The following CDH4 variants were observed in gnomAD, a reference collection of about 807,000 sequenced individuals.
CDH4 encodes the protein cadherin-4.
Under a neutral mutation model 86.0 loss-of-function variants are expected in CDH4, and 33 were observed. The ratio of observed to expected loss-of-function variants is 0.38; its 90% CI spans 0.29 to 0.51. CDH4 has a LOEUF of 0.51. CDH4 is among the 20% of genes least tolerant of loss of function. The pLI, the probability that CDH4 is intolerant of heterozygous loss-of-function variation, is 0.86. For synonymous variants in CDH4, 555 were observed against 549.4 expected, an observed-to-expected ratio of 1.01 and a Z score of -0.14; for missense variants, 1,114 against 1,307.4, an observed-to-expected ratio of 0.85 and a Z score of 2.28.
rs150060961 is a variant in CDH4, at chr20:61,892,891, A to C, written c.1051-2019A>C. 1.5e-3 allele frequency among the ~76,000 whole-genome samples: 232 copies of C among 152,006 alleles called. 1 individual carries two copies. The highest frequency in any genetic ancestry group is 5.3e-3 in the African/African-American group (218 of 41,458). ...GAGGAAGGAATAGAAAGACAGAGGG[A>C]TGGAAAGGTAGAAAGAGGGAGGGAG... On this transcript the variant is annotated intron_variant, in intron 7 of 15. Coordinates refer to ENST00000614565, the MANE Select transcript of CDH4 (RefSeq NM_001794.5).
At chr20:61,602,163 G>A (rs781050466) in intron 2 of CDH4, among the ~76,000 whole-genome samples, 2 of 152,170 alleles carry the variant, frequency 1.3e-5, no homozygotes, top group Non-Finnish European at 2.9e-5. Context: ...TGCTGGGCTC[G>A]GAGGGTGTCC....
At chr20:61,763,086 G>C (rs959389078) in intron 3 of CDH4, among the ~76,000 whole-genome samples, 1 of 152,256 alleles carries the variant, frequency 6.6e-6, no homozygotes, top group African/African-American at 2.4e-5. Flanking sequence ...CGCTGGGCGG[G>C]ATGACAAGTG....
intron 2 of CDH4, among the ~76,000 whole-genome samples, chr20:61,727,958 C>G (rs186255884): frequency 6.6e-6 from 1 of 152,212 alleles, no homozygotes; most frequent in East Asian, 1.9e-4. Context: ...TAAGGAGAGG[C>G]CTTGCCCAGG....
At chr20:61,313,935 A>T (rs2084462304) in intron 2 of CDH4, among the ~76,000 whole-genome samples, 1 of 152,116 alleles carries the variant, frequency 6.6e-6, no homozygotes, top group Admixed American at 6.5e-5. Flanking sequence ...GGGTCCCATC[A>T]TGTTGCCCAG....
chr20:61,370,820 G>A (rs2084835958), intron 2 of CDH4: 1 of 152,336 alleles, frequency 6.6e-6, no homozygotes, highest in Non-Finnish European at 1.5e-5. Flanking sequence ...GAGCTGAGTT[G>A]GGACTTAATG....
intron 2 of CDH4, among the ~76,000 whole-genome samples, chr20:61,729,142 G>C (rs2088148705): frequency 6.6e-6 from 1 of 152,160 alleles, no homozygotes; most frequent in African/African-American, 2.4e-5. Context: ...AAGAGGCCCT[G>C]GCATCTCACA....
At chr20:61,466,225 G>A (rs1466091177) in intron 2 of CDH4, among the ~76,000 whole-genome samples, 2 of 152,176 alleles carry the variant, frequency 1.3e-5, no homozygotes, top group Admixed American at 1.3e-4. Context: ...ATATGCCCAA[G>A]CATCAGACTG....
chr20:61,384,511 T>C (rs1229641213), intron 2 of CDH4, among the ~76,000 whole-genome samples: 1 of 152,176 alleles, frequency 6.6e-6, no homozygotes, highest in Non-Finnish European at 1.5e-5. Context: ...GTGTGGTTTG[T>C]CCTGCAAACC....
At chr20:61,556,101 C>A (rs143242045) in intron 2 of CDH4, among the ~76,000 whole-genome samples, 1 of 152,224 alleles carries the variant, frequency 6.6e-6, no homozygotes, top group South Asian at 2.1e-4. Context: ...CTGCCTTTCT[C>A]GGTCAGAGCA....
In CDH4 at chr20:61,877,158, C is replaced by T. The variant is rs537966135; in HGVS notation, c.1050+3258C>T. Reference sequence around the variant, plus strand: ...TAGGGACAGTGCCCAGCCTCCTGGGCTCAGCTCCCCCTGCCCCTACAGATC... The same window carrying T: ...TAGGGACAGTGCCCAGCCTCCTGGGTTCAGCTCCCCCTGCCCCTACAGATC... On this transcript the variant is annotated intron_variant, in intron 7 of 15. Coordinates refer to ENST00000614565, the MANE Select transcript of CDH4 (RefSeq NM_001794.5). Among the ~76,000 whole-genome samples, 91 of 152,284 alleles carry T rather than the reference C, an allele frequency of 6.0e-4. 3 individuals carry two copies. In the South Asian group the frequency reaches 0.019, roughly 31 times the overall value.
chr20:61,853,570 A>C (rs1269962658), intron 6 of CDH4, among the ~76,000 whole-genome samples: 1 of 151,990 alleles, frequency 6.6e-6, no homozygotes, highest in Non-Finnish European at 1.5e-5. Context: ...CATGTCTTGC[A>C]TCTCTGCCGT....
At chr20:61,273,725 A>G (rs2084202165) in intron 2 of CDH4, among the ~76,000 whole-genome samples, 1 of 140,286 alleles carries the variant, frequency 7.1e-6, no homozygotes, top group South Asian at 2.4e-4. Flanking sequence ...TACCATGGGC[A>G]TTTTGGGGAA....
In CDH4 at chr20:61,708,145, G is replaced by C. The variant is rs1389153861; in HGVS notation, c.170-35418G>C. 6.6e-6 allele frequency among the ~76,000 whole-genome samples: 1 copy of C among 152,156 alleles called. No individual in the cohort carries two copies. The highest frequency in any genetic ancestry group is 1.5e-5 in the Non-Finnish European group (1 of 68,006). ...ATAGCCATCACCCAGCACAGCAGTG[G>C]TTTCAGGCAACAGCCCGGGAGGAAA... On this transcript the variant is annotated intron_variant, in intron 2 of 15. Coordinates refer to ENST00000614565, the MANE Select transcript of CDH4 (RefSeq NM_001794.5). The surrounding 1 kb of genome is among the most constrained non-coding windows in gnomAD (Gnocchi z 4.5).
intron 7 of CDH4, among the ~76,000 whole-genome samples, chr20:61,882,904 C>T (rs1450612010): frequency 1.3e-5 from 2 of 151,656 alleles, no homozygotes; most frequent in Non-Finnish European, 2.9e-5. Flanking sequence ...TCCACTGTCT[C>T]CCCCACACCC....
intron 2 of CDH4, among the ~76,000 whole-genome samples, chr20:61,624,039 G>C (rs76488871): frequency 6.6e-6 from 1 of 152,082 alleles, no homozygotes; most frequent in African/African-American, 2.4e-5. Context: ...ACGTTTTCTC[G>C]CTCCCTGTCT....
intron 2 of CDH4, among the ~76,000 whole-genome samples, chr20:61,617,026 G>T (rs562104690): frequency 6.6e-6 from 1 of 152,308 alleles, no homozygotes; most frequent in Non-Finnish European, 1.5e-5. Flanking sequence ...CTCTGAGCCT[G>T]CCCCTGTCAC....
intron 2 of CDH4, among the ~76,000 whole-genome samples, chr20:61,624,116 C>T (rs1268977282): frequency 1.3e-5 from 2 of 152,164 alleles, no homozygotes; most frequent in Admixed American, 1.3e-4. Context: ...GAGCACGGTT[C>T]ACAGCTCAGA....
intron 2 of CDH4, among the ~76,000 whole-genome samples, chr20:61,500,255 G>C (rs2085691230): frequency 6.6e-6 from 1 of 152,240 alleles, no homozygotes; most frequent in South Asian, 2.1e-4. Context: ...AAATTTTTCA[G>C]AGGATGCACG....
At chr20:61,723,348 C>G (rs1024965267) in intron 2 of CDH4, among the ~76,000 whole-genome samples, 3 of 152,190 alleles carry the variant, frequency 2.0e-5, no homozygotes, top group Admixed American at 2.0e-4. Context: ...AGGCCCCTCC[C>G]GGGGCCCTCT....
Sources: gnomAD v4.1 joint callset for allele counts (sites outside exome capture counted in the v4.1 genomes callset) on GRCh38, gnomAD v4.1.1 for gene constraint, Gnocchi (gnomAD v3.1) non-coding constraint, MANE v1.5 for transcripts, NCBI Gene and HGNC (gene_info 2026-07-23, HGNC 2026-07-21) for gene names.